Variants in SLC35F5 observed in about 807,000 individuals in gnomAD.
SLC35F5 encodes the protein solute carrier family 35 member F5, also known as HCV NS5A-transactivated protein 3.
SLC35F5 carries 54 observed loss-of-function variants against 68.6 expected under a neutral mutation model. The ratio of observed to expected loss-of-function variants is 0.79; its 90% CI spans 0.63 to 0.99. SLC35F5 has a LOEUF of 0.99. SLC35F5 is among the 50% of genes least tolerant of loss of function. SLC35F5 has a pLI of 0.00. For missense variants in SLC35F5, 567 were observed against 626.9 expected, an observed-to-expected ratio of 0.90 and a Z score of 1.02; for synonymous variants, 211 against 205.2, an observed-to-expected ratio of 1.03 and a Z score of -0.24.
At position 113,719,226 on chromosome 2, in the gene SLC35F5, T is replaced by C. The variant is rs760659361; in HGVS notation, c.1424A>G (p.Asn475Ser). Residue 475 changes from asparagine to serine, a missense_variant, in exon 14 of 16, where the codon AAT becomes AGT. Asn to Ser is a conservative substitution (Grantham distance 46). Transcript: ENST00000245680. ...TCCCACCATCACAGGATCCCAATTA[T>C]TATAATGGCATAGGAGAGTTACAAT... ...FFIVTLLCHYNNWDPVMVGIR... is the reference protein window; with the variant it reads ...FFIVTLLCHYSNWDPVMVGIR... 27 of 1,607,614 alleles carry C rather than the reference T, an allele frequency of 1.7e-5. No homozygotes were observed. In the African/African-American group the frequency reaches 2.9e-4, roughly 18 times the overall value.
intron 7 of SLC35F5, 96 bp from the exon 8 acceptor site, chr2:113,735,954 A>C: frequency 4.2e-6 from 3 of 706,770 alleles, no homozygotes; most frequent in Non-Finnish European, 7.2e-6. Flanking sequence ...CCTCCTAAAT[A>C]CCGTTCTCAC....
In SLC35F5 at chr2:113,729,626, T is replaced by C. The variant is rs1687806685; in HGVS notation, c.986-121A>G. 4.7e-6 allele frequency: 3 copies of C among 634,230 alleles called. No homozygotes were observed. In the East Asian group the frequency reaches 9.1e-5, roughly 19 times the overall value. The allele number at this position is 634,230 out of a possible 1,614,324, so 39.3% of individuals were successfully genotyped here. On this transcript the variant is annotated intron_variant, in intron 10 of 15. Coordinates refer to ENST00000245680, the MANE Select transcript of SLC35F5 (RefSeq NM_025181.5). Reference sequence around the variant, plus strand: ...ACAAAAGTGAAAAGATATATAATGATATAAATCACCTTTATATTGATATAA... The same window carrying C: ...ACAAAAGTGAAAAGATATATAATGACATAAATCACCTTTATATTGATATAA...
At position 113,729,480 on chromosome 2, in the gene SLC35F5, G is replaced by A. The variant is rs756702188; in HGVS notation, c.1011C>T (p.Ala337=). Reference sequence around the variant, plus strand: ...TAACAATATAGACAGCATAGAGCATGGCTCCAGCAAGAGACCAAATGGAAC... The same window carrying A: ...TAACAATATAGACAGCATAGAGCATAGCTCCAGCAAGAGACCAAATGGAAC... ...TVGSIWSLAG[A]MLYAVYIVMI... is the part of the protein sequence containing the mutation. The change falls in exon 11 of 16, where the codon GCC becomes GCT. Residue 337 remains alanine (A), a synonymous_variant. Coordinates refer to ENST00000245680, the MANE Select transcript of SLC35F5 (RefSeq NM_025181.5). 1.4e-5 allele frequency: 22 copies of A among 1,592,708 alleles called. No homozygotes were observed. The South Asian group carries it at 2.3e-4, about 17-fold the overall frequency.
Position 113,707,201 on chromosome 2 carries a change from G to C in SLC35F5, c.*8017C>G, listed in dbSNP as rs573677382. Among the ~76,000 whole-genome samples the C allele has an allele frequency of 6.6e-6, 1 of 151,906 alleles. No individual in the cohort carries two copies. The highest frequency in any genetic ancestry group is 1.5e-5 in the Non-Finnish European group (1 of 67,976). On this transcript the variant is annotated 3_prime_UTR_variant, in exon 16 of 16. Transcript: ENST00000245680. ...ACTCATTATAAATATTTCATCTTCC[G>C]AAAGTACTCTTTGATTACCTCTGGC...
chr2:113,718,901 GAAA>G (rs1559317854), intron 14 of SLC35F5, among the ~76,000 whole-genome samples: 18 of 91,832 alleles, frequency 2.0e-4, no homozygotes, highest in Non-Finnish European at 4.4e-4. Context: ...AAGAAAGAAA[GAAA>G]GAAAGAAAGA....
chr2:113,702,989 A>G (rs996568857), downstream of SLC35F5, among the ~76,000 whole-genome samples: 1 of 152,150 alleles, frequency 6.6e-6, no homozygotes, highest in East Asian at 1.9e-4. Context: ...GTGCACCTGT[A>G]GTCCCAGCAA....
In SLC35F5 at chr2:113,756,377, T is replaced by C; in HGVS notation, c.33A>G (p.Gly11=). MVPPRRHRGA[G]RPGVLSSSPP... ...CCTTCCCTGCCTGCCTACCTGGCCT[T>C]CCTGCCCCGCGATGGCGTCGTGGCG... The change falls in exon 1 of 16, where the codon GGA becomes GGG. Residue 11 remains glycine, a synonymous_variant. Coordinates refer to ENST00000245680, the MANE Select transcript of SLC35F5 (RefSeq NM_025181.5). 1.3e-6 allele frequency: 2 copies of C among 1,570,900 alleles called. No homozygotes were observed. The highest frequency in any genetic ancestry group is 1.7e-6 in the Non-Finnish European group (2 of 1,158,932).
At chr2:113,732,545 G>A (rs933785920) in intron 9 of SLC35F5, among the ~76,000 whole-genome samples, 1 of 152,224 alleles carries the variant, frequency 6.6e-6, no homozygotes, top group East Asian at 1.9e-4. Flanking sequence ...GAACTCAAGT[G>A]CAGTCCTTAC....
Position 113,714,953 on chromosome 2 carries a change from A to C in SLC35F5, c.*265T>G, listed in dbSNP as rs1687123139. On this transcript the variant is annotated 3_prime_UTR_variant, in exon 16 of 16. Transcript: ENST00000245680. ...GATTTCAACAGCTGAATTCCTTGAG[A>C]TGTGTAAGGCAGGTTGGTCCTTTGG... is the stretch of plus-strand genomic sequence containing the variant. 1 of 152,622 alleles carries C rather than the reference A, an allele frequency of 6.6e-6. No individual in the cohort carries two copies. Among genetic ancestry groups the C allele is most frequent in the South Asian group, 2.1e-4 (1 of 4,838 alleles). The allele number at this position is 152,622 out of a possible 1,614,324, so 9.5% of individuals were successfully genotyped here. A position where few individuals can be genotyped will look rare whatever the true frequency, so the allele number is the denominator to read the frequency against.
At position 113,709,226 on chromosome 2, in the gene SLC35F5, C is replaced by T. The variant is rs1449751789; in HGVS notation, c.*5992G>A. Among the ~76,000 whole-genome samples, 1 of 151,932 alleles carries T rather than the reference C, an allele frequency of 6.6e-6. No individual in the cohort carries two copies. Among genetic ancestry groups the T allele is most frequent in the Admixed American group, 6.6e-5 (1 of 15,252 alleles). On this transcript the variant is annotated 3_prime_UTR_variant, in exon 16 of 16. Coordinates refer to ENST00000245680, the MANE Select transcript of SLC35F5 (RefSeq NM_025181.5). The stretch of plus-strand genomic sequence containing the variant: ...TTCACTCTTTACAAAGCACTAAGTA[C>T]ACACAGGTGTTTGGCATTGTCTCTG...
intron 3 of SLC35F5, among the ~76,000 whole-genome samples, chr2:113,751,290 A>AC (rs1676727721): frequency 6.6e-6 from 1 of 152,208 alleles, no homozygotes; most frequent in South Asian, 2.1e-4. Context: ...CGGAGCACCA[A>AC]AAGGAGACTG....
At chr2:113,704,325 A>C (rs1001228511), downstream of SLC35F5, among the ~76,000 whole-genome samples, 1 of 152,222 alleles carries the variant, frequency 6.6e-6, no homozygotes, top group African/African-American at 2.4e-5. Flanking sequence ...AGGTTCTCCA[A>C]GTCCCCACCA....
intron 9 of SLC35F5, among the ~76,000 whole-genome samples, chr2:113,732,473 G>A (rs910626453): frequency 2.0e-5 from 3 of 152,120 alleles, no homozygotes; most frequent in African/African-American, 7.2e-5. Flanking sequence ...AGAAAGACCA[G>A]TGTGGCAGTG....
At chr2:113,754,631 C>G (rs1368730020) in intron 3 of SLC35F5, among the ~76,000 whole-genome samples, 1 of 152,168 alleles carries the variant, frequency 6.6e-6, no homozygotes, top group Non-Finnish European at 1.5e-5. Context: ...CTGAAGGAAA[C>G]TGTCAAGATA....
At chr2:113,718,913 GAAAGAAAGAAAGAAA>G (rs1559318133) in intron 14 of SLC35F5, among the ~76,000 whole-genome samples, 11 of 87,996 alleles carry the variant, frequency 1.3e-4, no homozygotes, top group South Asian at 3.6e-4. Context: ...AAGAAAGAAA[GAAAGAAAGAAAGAAA>G]AAGAAAGGAA....
Position 113,729,524 on chromosome 2 carries a change from T to C in SLC35F5, c.986-19A>G, listed in dbSNP as rs565400778. ...ATGGAACCTGTAAAAATGGACATGA[T>C]TTAAAGCAATCACTCATTAGCTCAT... On this transcript the variant is annotated intron_variant, in intron 10 of 15. Transcript: ENST00000245680. 1.5e-6 allele frequency: 2 copies of C among 1,364,598 alleles called. No homozygotes were observed. Among genetic ancestry groups the C allele is most frequent in the Admixed American group, 1.9e-5 (1 of 53,968 alleles). 84.5% of individuals were successfully genotyped at this position (1,364,598 alleles called of 1,614,324 possible).
At chr2:113,719,558 G>A (rs1304223182) in intron 13 of SLC35F5, 1 of 312,514 alleles carries the variant, frequency 3.2e-6, no homozygotes, top group African/African-American at 2.2e-5. Flanking sequence ...GGAAAGCCAA[G>A]AAAGCATACT....
At chr2:113,752,483 C>G (rs566970045) in intron 3 of SLC35F5, among the ~76,000 whole-genome samples, 25 of 152,074 alleles carry the variant, frequency 1.6e-4, no homozygotes, top group Admixed American at 2.6e-4. Context: ...TACTCAGTAC[C>G]CCAAAGTATT....
chr2:113,739,594 T>G (rs1396612800), intron 7 of SLC35F5, among the ~76,000 whole-genome samples: 1 of 152,234 alleles, frequency 6.6e-6, no homozygotes, highest in African/African-American at 2.4e-5. Context: ...GTTTAAAGTC[T>G]CACATATTCA....
Sources: allele counts gnomAD v4.1 joint callset (sites outside exome capture counted in the v4.1 genomes callset), GRCh38; gene constraint gnomAD v4.1.1; transcripts MANE v1.5; gene names NCBI Gene and HGNC (gene_info 2026-07-23, HGNC 2026-07-21).